CLDN16: variants seen among roughly 807,000 people sequenced by gnomAD.
CLDN16 encodes claudin 16.
CLDN16 carries 13 observed loss-of-function variants against 24.6 expected under a neutral mutation model. That is an observed-to-expected ratio of 0.53 (90% CI 0.34 to 0.84). CLDN16 has a LOEUF of 0.84. Among genes scored for constraint, CLDN16 ranks in the 40% least tolerant of loss-of-function variants. The pLI is 0.01. For synonymous variants in CLDN16, 116 were observed against 106.7 expected (o/e 1.09, Z -0.54); for missense variants, 298 against 292.7 (o/e 1.02, Z -0.13).
At chr3:190,343,842 G>A (rs1717490724) in intron 1 of CLDN16, among the ~76,000 whole-genome samples, 1 of 152,118 alleles carries the variant, frequency 6.6e-6, no homozygotes, top group Admixed American at 6.6e-5. Context: ...GGAAGATACA[G>A]GCCAGAGGAT....
chr3:190,370,597 C>A (rs1278694782), intron 1 of CLDN16, among the ~76,000 whole-genome samples: 2 of 151,768 alleles, frequency 1.3e-5, no homozygotes, highest in South Asian at 4.2e-4. Flanking sequence ...TCATGTGCAA[C>A]CTGCAAAAAA....
upstream of CLDN16, among the ~76,000 whole-genome samples, chr3:190,318,547 G>A (rs1408080976): frequency 6.6e-6 from 1 of 151,922 alleles, no homozygotes; most frequent in East Asian, 1.9e-4. Flanking sequence ...TTATAAGTGG[G>A]GTAACTACTT....
At chr3:190,387,643 C>T (rs938968361), upstream of CLDN16, among the ~76,000 whole-genome samples, 1 of 152,146 alleles carries the variant, frequency 6.6e-6, no homozygotes, top group Admixed American at 6.6e-5. Context: ...CATTAAAATG[C>T]ACACTTGTTC....
At chr3:190,385,963 T>C (rs769388096), upstream of CLDN16, among the ~76,000 whole-genome samples, 9 of 152,202 alleles carry the variant, frequency 5.9e-5, no homozygotes, top group Non-Finnish European at 1.2e-4. Context: ...TTCCTGGGTT[T>C]GCATTTATAA....
chr3:190,398,179 G>A (rs980701144), intron 1 of CLDN16, among the ~76,000 whole-genome samples: 1 of 152,218 alleles, frequency 6.6e-6, no homozygotes, highest in African/African-American at 2.4e-5. Flanking sequence ...TGATATAGCA[G>A]TTCTGTACAA....
chr3:190,357,133 G>A (rs146140241), intron 1 of CLDN16, among the ~76,000 whole-genome samples: 5 of 151,978 alleles, frequency 3.3e-5, no homozygotes, highest in African/African-American at 9.6e-5. Flanking sequence ...AAAAGAAGTC[G>A]TTTTCATTTT....
At chr3:190,321,969 T>G, upstream of CLDN16, 1 of 1,608,602 alleles carries the variant, frequency 6.2e-7, no homozygotes, top group Non-Finnish European at 8.5e-7. Flanking sequence ...CGCTGTGAGG[T>G]GGGGGTGCAC....
Position 190,338,852 on chromosome 3 carries a change from C to A in CLDN16, n.121+16191C>A, listed in dbSNP as rs370331071. Among the ~76,000 whole-genome samples the A allele has an allele frequency of 2.6e-5, 4 of 152,188 alleles. No homozygotes were observed. The East Asian group carries it at 7.7e-4, about 29-fold the overall frequency. On this transcript the variant is annotated intron_variant and non_coding_transcript_variant, in intron 1 of 4. Transcript: ENST00000468220. ...GTGTGAGTGGCAGACTTGGAAGTGG[C>A]TCTTGGCACTTCTCCAGATCTCCTT...
intron 2 of CLDN16, among the ~76,000 whole-genome samples, chr3:190,374,280 TG>T: frequency 1.0e-5 from 1 of 97,550 alleles, no homozygotes; most frequent in Non-Finnish European, 2.0e-5. Context: ...TGTGTGTGTG[TG>T]TGTGTGTGTG....
intron 1 of CLDN16, among the ~76,000 whole-genome samples, chr3:190,399,842 G>A (rs891639374): frequency 3.3e-5 from 5 of 152,118 alleles, no homozygotes; most frequent in African/African-American, 9.7e-5. Context: ...GTGAGCAAGT[G>A]AGCATTACCG....
chr3:190,369,483 C>A (rs1718089416), intron 1 of CLDN16, among the ~76,000 whole-genome samples: 1 of 151,786 alleles, frequency 6.6e-6, no homozygotes, highest in Admixed American at 6.6e-5. Flanking sequence ...AACAAATATT[C>A]ATTATAGAAT....
chr3:190,338,008 CT>C (rs1717348957), intron 1 of CLDN16, among the ~76,000 whole-genome samples: 1 of 152,256 alleles, frequency 6.6e-6, no homozygotes, highest in African/African-American at 2.4e-5. Context: ...GATGGAGACA[CT>C]ATACTTCAGA....
At chr3:190,348,261 A>G (rs1717596247) in intron 1 of CLDN16, among the ~76,000 whole-genome samples, 1 of 142,584 alleles carries the variant, frequency 7.0e-6, no homozygotes, top group Non-Finnish European at 1.6e-5. Flanking sequence ...CTCAAAAAAA[A>G]AAAAAAAAAA....
chr3:190,359,405 A>C (rs1717841669), intron 1 of CLDN16, among the ~76,000 whole-genome samples: 1 of 152,076 alleles, frequency 6.6e-6, no homozygotes, highest in African/African-American at 2.4e-5. Context: ...GTAAGTGTTC[A>C]GTAAACTCTA....
Position 190,388,170 on chromosome 3 carries a change from C to T in CLDN16, c.-160C>T, listed in dbSNP as rs1331247778. 1.2e-6 allele frequency: 2 copies of T among 1,614,056 alleles called. No individual in the cohort carries two copies. The highest frequency in any genetic ancestry group is 3.3e-5 in the Admixed American group (2 of 60,012). On this transcript the variant is annotated 5_prime_UTR_variant, in exon 1 of 5. Coordinates refer to ENST00000264734, the MANE Select transcript of CLDN16 (RefSeq NM_006580.4). ...TTACAGCCTGTTTGTATTATTCTTA[C>T]TGCAACTCAAGACACCTGCAGCAGG...
At chr3:190,356,974 C>A (rs1717789335) in intron 1 of CLDN16, among the ~76,000 whole-genome samples, 2 of 151,836 alleles carry the variant, frequency 1.3e-5, no homozygotes, top group African/African-American at 4.8e-5. Context: ...CACAGCCTTG[C>A]ATTTTACATT....
chr3:190,355,922 A>G (rs948660158), intron 1 of CLDN16, among the ~76,000 whole-genome samples: 1 of 151,150 alleles, frequency 6.6e-6, no homozygotes, highest in Non-Finnish European at 1.5e-5. Flanking sequence ...TTAACTTCCT[A>G]TGAAATATAC....
In CLDN16 at chr3:190,409,245, C is replaced by T. The variant is rs59263979; in HGVS notation, c.575-658C>T. Among the ~76,000 whole-genome samples, 595 of 96,986 alleles carry T rather than the reference C, an allele frequency of 6.1e-3. 4 individuals carry two copies. Among genetic ancestry groups the T allele is most frequent in the African/African-American group, 0.012 (273 of 21,972 alleles). The allele number at this position is 96,986 out of a possible 152,430, so 63.6% of individuals were successfully genotyped here. On this transcript the variant is annotated intron_variant, in intron 4 of 4. Coordinates refer to ENST00000264734, the MANE Select transcript of CLDN16 (RefSeq NM_006580.4). ...GTATATGCATGTATATATGCACACACGTATATGCATGTATATATGCACACA... is the reference window on the plus strand; with the variant it reads ...GTATATGCATGTATATATGCACACATGTATATGCATGTATATATGCACACA...
At chr3:190,341,460 A>G (rs1412434491) in intron 1 of CLDN16, among the ~76,000 whole-genome samples, 3 of 152,168 alleles carry the variant, frequency 2.0e-5, no homozygotes, top group Non-Finnish European at 4.4e-5. Flanking sequence ...GGCCCCTTTC[A>G]GCCATGGCTG....
Sources: allele counts gnomAD v4.1 joint callset (sites outside exome capture counted in the v4.1 genomes callset), GRCh38; gene constraint gnomAD v4.1.1; transcripts MANE v1.5; gene names NCBI Gene and HGNC (gene_info 2026-07-23, HGNC 2026-07-21).